The following PIN4 variants were observed in gnomAD, a reference collection of about 807,000 sequenced individuals.
PIN4 encodes peptidylprolyl cis/trans isomerase, NIMA-interacting 4.
A neutral mutation model predicts 8.3 loss-of-function variants in PIN4; 3 were observed. The ratio of observed to expected loss-of-function variants is 0.36; its 90% CI spans 0.16 to 0.93. The LOEUF (loss-of-function observed/expected upper bound fraction) is 0.93. Ranked by LOEUF, PIN4 falls within the 40% of genes least tolerant of loss-of-function variation. PIN4 has a pLI of 0.44. For synonymous variants in PIN4, 18 were observed against 32.5 expected (o/e 0.55, Z 1.52); for missense variants, 75 against 100.6 (o/e 0.75, Z 1.09).
At chrX:72,194,715 A>G (rs1346979272) in intron 2 of PIN4, among the ~76,000 whole-genome samples, 1 of 85,028 alleles carries the variant, frequency 1.2e-5, no homozygotes, top group East Asian at 8.2e-4. Flanking sequence ...AAAAAAAAAA[A>G]AAAAAAAAAA....
At chrX:72,223,662 G>T (rs2042938904) in intron 3 of PIN4, among the ~76,000 whole-genome samples, 1 of 111,200 alleles carries the variant, frequency 9.0e-6, no homozygotes, top group Non-Finnish European at 1.9e-5. Flanking sequence ...GTGCTGGAAG[G>T]CCTTCCGTGT....
chrX:72,242,678 A>G (rs1310940806), intron 3 of PIN4, among the ~76,000 whole-genome samples: 2 of 112,382 alleles, frequency 1.8e-5, no homozygotes, highest in Non-Finnish European at 3.8e-5. Context: ...TACCCCAATC[A>G]AGGGCTCCCA....
intron 2 of PIN4, among the ~76,000 whole-genome samples, 181 bp from the exon 3 acceptor site, chrX:72,196,604 A>G (rs1240850187): frequency 3.6e-5 from 4 of 109,944 alleles, no homozygotes; most frequent in African/African-American, 1.3e-4. Context: ...ACTCTGAGAC[A>G]TTGTCTTAAT....
At chrX:72,205,452 G>A in intron 3 of PIN4, 1 of 1,211,517 alleles carries the variant, frequency 8.3e-7, no homozygotes, top group Non-Finnish European at 1.1e-6. Context: ...CCTCCACGTG[G>A]TCTAAAACCA....
intron 3 of PIN4, chrX:72,238,938 C>A: frequency 8.7e-7 from 1 of 1,148,564 alleles, no homozygotes; most frequent in Non-Finnish European, 1.2e-6. Flanking sequence ...TCCAGTTACC[C>A]CGGCGGGAGT....
chrX:72,235,739 A>G (rs1602454524), intron 3 of PIN4, among the ~76,000 whole-genome samples: 1 of 111,405 alleles, frequency 9.0e-6, no homozygotes, highest in Admixed American at 9.6e-5. Flanking sequence ...GCTCACCCAG[A>G]TATTCCAATT....
At chrX:72,197,344 T>C in intron 3 of PIN4, 24 bp from the exon 4 acceptor site, 1 of 1,184,736 alleles carries the variant, frequency 8.4e-7, no homozygotes, top group Non-Finnish European at 1.1e-6. Flanking sequence ...CCACTTGATA[T>C]CACTTATCTT....
intron 3 of PIN4, chrX:72,262,672 T>C (rs768927162): frequency 1.5e-5 from 14 of 951,681 alleles, no homozygotes; most frequent in South Asian, 4.2e-5. Flanking sequence ...CAGGTTACAA[T>C]TGATTGACAT....
chrX:72,208,754 A>T, intron 3 of PIN4: 1 of 989,586 alleles, frequency 1.0e-6, no homozygotes, highest in Non-Finnish European at 1.4e-6. Flanking sequence ...TCAGTCTAAG[A>T]ATGCTTTAGA....
intron 2 of PIN4, among the ~76,000 whole-genome samples, chrX:72,194,567 T>C (rs776308562): frequency 5.0e-4 from 54 of 107,847 alleles, no homozygotes; most frequent in Non-Finnish European, 8.6e-4. Flanking sequence ...CCAGGCGTGG[T>C]GGTGCATGCC....
chrX:72,239,110 G>A, intron 3 of PIN4: 2 of 416,537 alleles, frequency 4.8e-6, no homozygotes, highest in Middle Eastern at 1.3e-3. Context: ...CGACGCCTCC[G>A]CCTGAGCCCC....
chrX:72,201,197 T>C (rs1294069733), downstream of PIN4, among the ~76,000 whole-genome samples: 1 of 110,509 alleles, frequency 9.0e-6, no homozygotes, highest in African/African-American at 3.3e-5. Flanking sequence ...AGCGAGACCC[T>C]GTCTCAAAAA....
At chrX:72,197,008 AAC>A (rs1258328749) in intron 3 of PIN4, 104 bp downstream of exon 3, 2 of 723,550 alleles carry the variant, frequency 2.8e-6, no homozygotes, top group African/African-American at 4.4e-5. Flanking sequence ...CCACAGAAGA[AAC>A]ACAGAAGTAG....
intron 3 of PIN4, among the ~76,000 whole-genome samples, chrX:72,212,427 G>A (rs190308893): frequency 6.3e-5 from 7 of 111,636 alleles, no homozygotes; most frequent in Non-Finnish European, 1.9e-5. Context: ...CTTCTCCACA[G>A]AGGGTCTGCC....
chrX:72,214,046 A>G (rs936393636), intron 3 of PIN4, among the ~76,000 whole-genome samples: 1 of 112,329 alleles, frequency 8.9e-6, no homozygotes, highest in African/African-American at 3.2e-5. Context: ...ATTCTCCATC[A>G]AAATCAATAA....
intron 3 of PIN4, chrX:72,205,239 G>A: frequency 2.5e-6 from 3 of 1,211,534 alleles, no homozygotes; most frequent in Non-Finnish European, 3.4e-6. Context: ...AAGGCTCAGG[G>A]GCACCAAGAG....
intron 2 of PIN4, among the ~76,000 whole-genome samples, chrX:72,189,833 G>A (rs1461863985): frequency 9.0e-6 from 1 of 111,396 alleles, no homozygotes; most frequent in Non-Finnish European, 1.9e-5. Context: ...ACCTGTTGAA[G>A]GACAGCTGGG....
intron 3 of PIN4, among the ~76,000 whole-genome samples, chrX:72,238,621 G>A (rs1393189054): frequency 8.9e-6 from 1 of 112,634 alleles, no homozygotes; most frequent in African/African-American, 3.2e-5. Flanking sequence ...CCATACTGGA[G>A]GGTCATTTGC....
At chrX:72,189,255 C>T (rs892767438) in intron 2 of PIN4, among the ~76,000 whole-genome samples, 3 of 111,658 alleles carry the variant, frequency 2.7e-5, no homozygotes, top group Non-Finnish European at 5.6e-5. Flanking sequence ...AGTACAATAG[C>T]ACAAACAGGA....
Sources: gnomAD v4.1 joint callset for allele counts (sites outside exome capture counted in the v4.1 genomes callset) on GRCh38, gnomAD v4.1.1 for gene constraint, MANE v1.5 for transcripts, NCBI Gene and HGNC (gene_info 2026-07-23, HGNC 2026-07-21) for gene names.